Variants in ENAH observed in about 807,000 individuals in gnomAD.
ENAH encodes ENAH actin regulator, also known as protein enabled homolog.
A neutral mutation model predicts 78.7 loss-of-function variants in ENAH; 23 were observed. The ratio of observed to expected loss-of-function variants is 0.29; its 90% CI spans 0.21 to 0.41. The LOEUF (loss-of-function observed/expected upper bound fraction) is 0.41, where lower values mean the gene tolerates loss of function less well. ENAH is among the 10% of genes least tolerant of loss of function. The probability of loss-of-function intolerance (pLI) is 1.00; values close to 1 mark genes in which losing one functional copy is unlikely to be tolerated. For synonymous variants in ENAH, 226 were observed against 241.0 expected (o/e 0.94, Z 0.58); for missense variants, 544 against 691.0 (o/e 0.79, Z 2.39).
At chr1:225,623,441 A>C in intron 1 of ENAH, among the ~76,000 whole-genome samples, 1 of 152,196 alleles carries the variant, frequency 6.6e-6, no homozygotes, top group East Asian at 1.9e-4. Flanking sequence ...AAAATATGAT[A>C]ATACTTCCAT....
chr1:225,652,510 G>T, intron 1 of ENAH, 176 bp downstream of exon 1: 1 of 856,582 alleles, frequency 1.2e-6, no homozygotes, highest in Non-Finnish European at 1.4e-6. Context: ...GGTTGGGGAG[G>T]TTTCCAAGAA....
At chr1:225,601,807 G>A (rs59484589) in intron 1 of ENAH, among the ~76,000 whole-genome samples, 13 of 151,464 alleles carry the variant, frequency 8.6e-5, no homozygotes, top group East Asian at 1.9e-4. Flanking sequence ...TAACCCTTAC[G>A]TTAAAAAGGA....
At chr1:225,577,458 A>G (rs563283580) in intron 1 of ENAH, among the ~76,000 whole-genome samples, 1 of 152,392 alleles carries the variant, frequency 6.6e-6, no homozygotes, top group South Asian at 2.1e-4. Context: ...ATTTTCTGCA[A>G]GGCAAGAAAA....
intron 1 of ENAH, among the ~76,000 whole-genome samples, chr1:225,614,194 G>T (rs1214659556): frequency 2.6e-5 from 4 of 152,114 alleles, no homozygotes; most frequent in Admixed American, 2.0e-4. Flanking sequence ...AAGTAGCTGG[G>T]ATTACAGGCG....
rs1219603354 is a variant in ENAH at position 225,490,832 on chromosome 1, A to G, written c.*6943T>C. The G allele has an allele frequency of 6.6e-6, 1 of 152,258 alleles. No homozygotes were observed. Among genetic ancestry groups the G allele is most frequent in the African/African-American group, 2.4e-5 (1 of 41,456 alleles). The allele number at this position is 152,258 out of a possible 1,614,324, so 9.4% of individuals were successfully genotyped here. A position where few individuals can be genotyped will look rare whatever the true frequency, so the allele number is the denominator to read the frequency against. ...AGTCAACGTCTTTTACCAACCATCC[A>G]TGGGCTATTGCTGAGTTGCGGAACT... On this transcript the variant is annotated 3_prime_UTR_variant, in exon 14 of 14. Coordinates refer to ENST00000366843, the MANE Select transcript of ENAH (RefSeq NM_018212.6).
chr1:225,529,015 G>A (rs1027813459), intron 4 of ENAH, among the ~76,000 whole-genome samples: 1 of 151,894 alleles, frequency 6.6e-6, no homozygotes, highest in African/African-American at 2.4e-5. Context: ...CTCCTGCCTA[G>A]TTCACTGCAA....
intron 1 of ENAH, chr1:225,652,303 T>C (rs900207424): frequency 4.1e-6 from 4 of 982,992 alleles, no homozygotes; most frequent in Middle Eastern, 5.2e-4. Context: ...TTTTTACATA[T>C]ATACGAAAAA....
At position 225,542,363 on chromosome 1, in the gene ENAH, G is replaced by A. The variant is rs533998539; in HGVS notation, c.350-11725C>T. On this transcript the variant is annotated intron_variant, in intron 3 of 13. Coordinates refer to ENST00000366843, the MANE Select transcript of ENAH (RefSeq NM_018212.6). ...TGTTCTGCCATCACACTACTTTCCA[G>A]GAGGAATCAAACCCAAAGGCATTTT... is the stretch of plus-strand genomic sequence containing the variant. Among the ~76,000 whole-genome samples, 4 of 152,300 alleles carry A rather than the reference G, an allele frequency of 2.6e-5. No homozygotes were observed. In the East Asian group the frequency reaches 7.7e-4, roughly 29 times the overall value.
Position 225,490,757 on chromosome 1 carries a change from T to C in ENAH, c.*7018A>G, listed in dbSNP as rs1347014886. ...CAATATCTAAGCCTTCCCAATTACT[T>C]TCCTCAGATAAACTATAAGCTATTC... On this transcript the variant is annotated 3_prime_UTR_variant, in exon 14 of 14. Transcript: ENST00000366843. The C allele has an allele frequency of 6.6e-6, 1 of 152,216 alleles. No homozygotes were observed. The highest frequency in any genetic ancestry group is 1.5e-5 in the Non-Finnish European group (1 of 68,046). The allele number at this position is 152,216 out of a possible 1,614,324, so 9.4% of individuals were successfully genotyped here.
At chr1:225,564,257 G>A (rs1347573220) in intron 2 of ENAH, among the ~76,000 whole-genome samples, 2 of 151,914 alleles carry the variant, frequency 1.3e-5, no homozygotes, top group Non-Finnish European at 2.9e-5. Context: ...TGGGACTACA[G>A]GCACACACAT....
intron 7 of ENAH, among the ~76,000 whole-genome samples, chr1:225,514,087 A>C: frequency 6.6e-6 from 1 of 152,264 alleles, no homozygotes; most frequent in South Asian, 2.1e-4. Context: ...GGGTGAATGT[A>C]GGTGATGAAT....
upstream of ENAH, chr1:225,653,145 G>A (rs1238672305): frequency 1.3e-5 from 2 of 151,256 alleles, no homozygotes; most frequent in East Asian, 3.9e-4. The surrounding 1 kb of genome is among the most constrained non-coding windows in gnomAD (Gnocchi z 4.3). Flanking sequence ...GAGGAACCCG[G>A]GAGGAGGCGG....
chr1:225,516,694 C>G (rs2096420358), intron 6 of ENAH, among the ~76,000 whole-genome samples: 2 of 151,708 alleles, frequency 1.3e-5, no homozygotes, highest in Admixed American at 1.3e-4. Context: ...GCCAACATGA[C>G]AAAACCCTGT....
chr1:225,589,747 T>C (rs933580639), intron 1 of ENAH, among the ~76,000 whole-genome samples: 1 of 152,078 alleles, frequency 6.6e-6, no homozygotes, highest in Non-Finnish European at 1.5e-5. Flanking sequence ...ATAAAGCAAA[T>C]ATAGTAAAAT....
At chr1:225,517,428 C>T (rs771492235) in intron 5 of ENAH, 122 bp from the exon 6 acceptor site, 22 of 1,551,648 alleles carry the variant, frequency 1.4e-5, no homozygotes, top group Middle Eastern at 1.7e-4. Context: ...GCAGTGGAGG[C>T]GGCGGCGGAG....
chr1:225,526,142 A>AT (rs1284778247), intron 4 of ENAH, among the ~76,000 whole-genome samples: 1 of 152,046 alleles, frequency 6.6e-6, no homozygotes, highest in Non-Finnish European at 1.5e-5. Flanking sequence ...TTATTTGCAA[A>AT]TTCAATTTCT....
chr1:225,507,638 G>A (rs1034883345), intron 11 of ENAH, among the ~76,000 whole-genome samples: 3 of 152,056 alleles, frequency 2.0e-5, no homozygotes, highest in East Asian at 3.9e-4. Context: ...ATGGGTATAC[G>A]CATATTCACT....
At chr1:225,507,843 T>C (rs373047037) in intron 11 of ENAH, 108 bp downstream of exon 11, 3 of 690,180 alleles carry the variant, frequency 4.3e-6, no homozygotes, top group Middle Eastern at 4.1e-4. Flanking sequence ...GAGAGTTTTA[T>C]GGGCTCCTCT....
intron 1 of ENAH, among the ~76,000 whole-genome samples, chr1:225,615,699 CGTCTGGG>C: frequency 6.7e-6 from 1 of 150,302 alleles, no homozygotes; most frequent in African/African-American, 2.5e-5. Context: ...GCCGCGACCC[CGTCTGGG>C]AACTGAGGAG....
Sources: allele counts gnomAD v4.1 joint callset (sites outside exome capture counted in the v4.1 genomes callset), GRCh38; gene constraint gnomAD v4.1.1; non-coding constraint Gnocchi (gnomAD v3.1); transcripts MANE v1.5; gene names NCBI Gene and HGNC (gene_info 2026-07-23, HGNC 2026-07-21).